The following ANKFN1 variants were observed in gnomAD, a reference collection of about 807,000 sequenced individuals.
ANKFN1 encodes ankyrin repeat and fibronectin type-III domain-containing protein 1.
In ANKFN1, 74 loss-of-function variants were observed where a neutral mutation model predicts 108.7. The ratio of observed to expected loss-of-function variants is 0.68; its 90% CI spans 0.56 to 0.83. The LOEUF (loss-of-function observed/expected upper bound fraction) is 0.83, where lower values mean the gene tolerates loss of function less well. ANKFN1 is among the 40% of genes least tolerant of loss of function. The pLI is 0.00. For missense variants in ANKFN1, 1,505 were observed against 1,382.3 expected, an observed-to-expected ratio of 1.09 and a Z score of -1.41; for synonymous variants, 547 against 516.2, an observed-to-expected ratio of 1.06 and a Z score of -0.81.
upstream of ANKFN1, among the ~76,000 whole-genome samples, chr17:56,151,487 A>C (rs1908603183): frequency 6.6e-6 from 1 of 152,218 alleles, no homozygotes; most frequent in Admixed American, 6.5e-5. Flanking sequence ...GCAGCATGGT[A>C]GAGTGGAGAA....
intron 1 of ANKFN1, among the ~76,000 whole-genome samples, chr17:56,187,061 C>A (rs1213161535): frequency 6.6e-6 from 1 of 152,116 alleles, no homozygotes; most frequent in Non-Finnish European, 1.5e-5. Flanking sequence ...AAAGCAATGG[C>A]AACAAAAGCC....
In ANKFN1 at chr17:56,372,926, T is replaced by C. The variant is rs1412719857; in HGVS notation, c.796+86T>C. On this transcript the variant is annotated intron_variant, in intron 7 of 20. Transcript: ENST00000682825. ...GGTCTTCTTTTACAGATTTTTTTTT[T>C]CAGCTCTACAGAGTCATGGATGGCC... The C allele has an allele frequency of 8.7e-6, 12 of 1,379,006 alleles. No homozygotes were observed. In the Admixed American group the frequency reaches 2.7e-4, roughly 31 times the overall value. 85.4% of individuals were successfully genotyped at this position (1,379,006 alleles called of 1,614,324 possible).
intron 4 of ANKFN1, among the ~76,000 whole-genome samples, chr17:56,069,132 T>A (rs1349728201): frequency 6.6e-6 from 1 of 152,120 alleles, no homozygotes; most frequent in Non-Finnish European, 1.5e-5. Flanking sequence ...AGGCCAACCA[T>A]GAAAATGTTT....
chr17:56,128,536 G>A (rs1249283277), intron 4 of ANKFN1, among the ~76,000 whole-genome samples: 1 of 152,148 alleles, frequency 6.6e-6, no homozygotes, highest in Non-Finnish European at 1.5e-5. Flanking sequence ...AGCCCTGCAA[G>A]GCCTTCAGGA....
chr17:56,209,094 T>G (rs186508889), intron 1 of ANKFN1, among the ~76,000 whole-genome samples: 168 of 152,212 alleles, frequency 1.1e-3, no homozygotes, highest in African/African-American at 3.9e-3. Context: ...ATAACAACAT[T>G]TTTCCTAAAG....
intron 15 of ANKFN1, among the ~76,000 whole-genome samples, chr17:56,474,882 A>G (rs1258601764): frequency 6.6e-6 from 1 of 152,194 alleles, no homozygotes; most frequent in Non-Finnish European, 1.5e-5. Context: ...GATATTAATA[A>G]TAATTGCTTC....
chr17:56,476,012 G>A (rs1311854867), intron 15 of ANKFN1, among the ~76,000 whole-genome samples: 3 of 152,172 alleles, frequency 2.0e-5, no homozygotes, highest in Non-Finnish European at 4.4e-5. Flanking sequence ...AAGCAAACAC[G>A]TCTTACCATG....
chr17:56,237,532 T>G (rs1917244656), intron 3 of ANKFN1, among the ~76,000 whole-genome samples: 1 of 152,130 alleles, frequency 6.6e-6, no homozygotes, highest in Non-Finnish European at 1.5e-5. Context: ...TGTCAGGAAT[T>G]TATCCATCTC....
intron 4 of ANKFN1, among the ~76,000 whole-genome samples, chr17:56,120,126 G>T (rs1309724481): frequency 2.6e-5 from 4 of 151,934 alleles, no homozygotes; most frequent in South Asian, 2.1e-4. Context: ...TTCAACATGG[G>T]TTTACCATTT....
chr17:56,213,269 G>A (rs567733125), intron 2 of ANKFN1, among the ~76,000 whole-genome samples: 5 of 152,238 alleles, frequency 3.3e-5, no homozygotes, highest in Admixed American at 2.6e-4. Flanking sequence ...CTGAAAAGCT[G>A]GCCCCAAGAC....
At chr17:56,388,802 T>C (rs994960619) in intron 8 of ANKFN1, among the ~76,000 whole-genome samples, 1 of 152,150 alleles carries the variant, frequency 6.6e-6, no homozygotes, top group African/African-American at 2.4e-5. Context: ...TTCCACTACA[T>C]AGTAATAACT....
intron 4 of ANKFN1, among the ~76,000 whole-genome samples, chr17:56,108,364 G>A (rs7226326): frequency 0.54 from 82,063 of 152,058 alleles, 22,429 homozygotes; most frequent in East Asian, 0.81. Context: ...ATGCCTACAC[G>A]TTGAGTCATC....
At position 56,440,392 on chromosome 17, in the gene ANKFN1, A is replaced by AGG. The variant is rs1162356498; in HGVS notation, c.976_977insGG (p.Thr326ArgfsTer3). 1 of 1,612,536 alleles carries AGG rather than the reference A, an allele frequency of 6.2e-7. No individual in the cohort carries two copies. Among genetic ancestry groups the AGG allele is most frequent in the South Asian group, 1.1e-5 (1 of 90,858 alleles). ...AGAAATCATCATGGATAATCTGCAGACTCTGAGATGCACAATCACAGGACT... is the reference window on the plus strand; with the variant it reads ...AGAAATCATCATGGATAATCTGCAGAGGCTCTGAGATGCACAATCACAGGACT... On this transcript the variant is annotated frameshift_variant, in exon 9 of 21. Coordinates refer to ENST00000682825, the MANE Select transcript of ANKFN1 (RefSeq NM_001370326.1). LOFTEE classifies it high-confidence loss of function.
chr17:56,283,021 T>C (rs572138809), intron 3 of ANKFN1, among the ~76,000 whole-genome samples: 5 of 152,250 alleles, frequency 3.3e-5, no homozygotes, highest in Admixed American at 2.6e-4. Context: ...GTTTGCTACA[T>C]AGGTAAAGTG....
chr17:56,133,528 CTGTG>C (rs10598270), intron 4 of ANKFN1, among the ~76,000 whole-genome samples: 10,988 of 146,218 alleles, frequency 0.075, 486 homozygotes, highest in African/African-American at 0.12. Context: ...ATGTGTATAC[CTGTG>C]TGTGTGTGTG....
At chr17:56,410,965 C>T (rs1270791455) in intron 8 of ANKFN1, among the ~76,000 whole-genome samples, 1 of 152,086 alleles carries the variant, frequency 6.6e-6, no homozygotes, top group Non-Finnish European at 1.5e-5. Flanking sequence ...GTTATTTTTG[C>T]TCAAGATTGC....
intron 4 of ANKFN1, among the ~76,000 whole-genome samples, chr17:56,104,428 C>A (rs911238244): frequency 1.3e-5 from 2 of 152,172 alleles, no homozygotes; most frequent in African/African-American, 4.8e-5. Context: ...CTGGCTTGAG[C>A]AAAGTCACAG....
chr17:56,078,541 A>T (rs147867086), intron 4 of ANKFN1, among the ~76,000 whole-genome samples: 39 of 152,320 alleles, frequency 2.6e-4, no homozygotes, highest in African/African-American at 8.7e-4. Flanking sequence ...TATTTTGCCC[A>T]GAGTTTATAA....
chr17:56,336,968 C>T (rs888936909), intron 4 of ANKFN1, among the ~76,000 whole-genome samples: 2 of 152,102 alleles, frequency 1.3e-5, no homozygotes, highest in Admixed American at 6.6e-5. Flanking sequence ...GCCTTCCTTT[C>T]GTTATTTACC....
Sources: gnomAD v4.1 joint callset for allele counts (sites outside exome capture counted in the v4.1 genomes callset) on GRCh38, gnomAD v4.1.1 for gene constraint, MANE v1.5 for transcripts, NCBI Gene and HGNC (gene_info 2026-07-23, HGNC 2026-07-21) for gene names.